The following MAF variants were observed in gnomAD, a reference collection of about 807,000 sequenced individuals.
MAF encodes MAF bZIP transcription factor.
In MAF, 10 loss-of-function variants were observed where a neutral mutation model predicts 22.0. That is an observed-to-expected ratio of 0.45 (90% confidence interval 0.28 to 0.77). The LOEUF (loss-of-function observed/expected upper bound fraction) is 0.77, where lower values mean the gene tolerates loss of function less well. Among genes scored for constraint, MAF ranks in the 30% least tolerant of loss-of-function variants. The pLI is 0.12. For missense variants in MAF, 544 were observed against 548.4 expected (o/e 0.99, Z 0.08); for synonymous variants, 337 against 255.8 (o/e 1.32, Z -3.03).
At chr16:79,292,503 T>C in the MAF span, among the ~76,000 whole-genome samples, 1 of 152,172 alleles carries the variant, frequency 6.6e-6, no homozygotes, top group South Asian at 2.1e-4. Context: ...AACTCAGTTG[T>C]GGTACTTGGT....
At chr16:79,573,953 G>A in the MAF span, among the ~76,000 whole-genome samples, 1 of 152,176 alleles carries the variant, frequency 6.6e-6, no homozygotes, top group East Asian at 1.9e-4. Context: ...CCGTTCGTTT[G>A]CCTGTTTGTG....
the MAF span, among the ~76,000 whole-genome samples, chr16:79,382,966 TTCAC>T: frequency 2.0e-5 from 3 of 152,230 alleles, no homozygotes; most frequent in Non-Finnish European, 2.9e-5. Flanking sequence ...CATTCATTCA[TTCAC>T]TCATTCATCC....
At chr16:79,394,912 T>C in the MAF span, among the ~76,000 whole-genome samples, 1 of 152,186 alleles carries the variant, frequency 6.6e-6, no homozygotes, top group African/African-American at 2.4e-5. Flanking sequence ...TGGTCCCAGC[T>C]GTACTCCACA....
chr16:79,598,970 C>A lies in MAF; in HGVS notation c.933G>T (p.Gln311His), dbSNP rs1242827280. The A allele has an allele frequency of 1.2e-6, 2 of 1,613,860 alleles. No individual in the cohort carries two copies. Among genetic ancestry groups the A allele is most frequent in the East Asian group, 4.5e-5 (2 of 44,820 alleles). The part of the protein sequence containing the change: ...YAQSCRFKRV[Q>H]QRHVLESEKN... ...TCTCCGACTCCAGGACGTGTCTCTGCTGCACCCTCTTGAAGCGGCAGGACT... is the reference window on the plus strand; with the variant it reads ...TCTCCGACTCCAGGACGTGTCTCTGATGCACCCTCTTGAAGCGGCAGGACT... Residue 311 changes from glutamine (Q) to histidine (H), a missense_variant, in exon 1 of 2, where the codon CAG becomes CAT. Around this residue, in one of 5 missense-constraint regions of MAF, gnomAD observed 6 missense variants for 30.4 expected, o/e 0.20. Coordinates refer to ENST00000326043, the MANE Select transcript of MAF (RefSeq NM_005360.5).
chr16:79,490,103 G>A, the MAF span, among the ~76,000 whole-genome samples: 43 of 152,336 alleles, frequency 2.8e-4, no homozygotes, highest in Non-Finnish European at 5.1e-4. Flanking sequence ...CCAGGAGGCA[G>A]TTATATTTCA....
At chr16:79,450,674 T>A in the MAF span, among the ~76,000 whole-genome samples, 1 of 152,140 alleles carries the variant, frequency 6.6e-6, no homozygotes, top group African/African-American at 2.4e-5. Context: ...ACTGTTTTAT[T>A]CCTATTTTAC....
the MAF span, among the ~76,000 whole-genome samples, chr16:79,242,555 A>T: frequency 6.6e-6 from 1 of 151,954 alleles, no homozygotes; most frequent in African/African-American, 2.4e-5. Flanking sequence ...CTCATAAAGC[A>T]AGTTCTTAGA....
chr16:79,373,358 G>A, the MAF span, among the ~76,000 whole-genome samples: 9 of 69,720 alleles, frequency 1.3e-4, no homozygotes, highest in South Asian at 1.7e-3. Flanking sequence ...GGGACTGGTA[G>A]CTTTTTTTTT....
At chr16:79,419,554 TC>T in the MAF span, among the ~76,000 whole-genome samples, 1 of 152,210 alleles carries the variant, frequency 6.6e-6, no homozygotes, top group African/African-American at 2.4e-5. Flanking sequence ...CGGGCAACTC[TC>T]TGGTGTCTAG....
At chr16:79,586,808 G>A (rs1003286396) in intron 1 of MAF, among the ~76,000 whole-genome samples, 3 of 152,204 alleles carry the variant, frequency 2.0e-5, no homozygotes, top group African/African-American at 7.2e-5. Flanking sequence ...AGTTCGGACT[G>A]TCAAAATATA....
At chr16:79,251,289 G>A in the MAF span, among the ~76,000 whole-genome samples, 1 of 148,970 alleles carries the variant, frequency 6.7e-6, no homozygotes, top group Non-Finnish European at 1.5e-5. Context: ...ATGCTGTTAT[G>A]GTTATTATTT....
chr16:79,459,720 G>A, the MAF span, among the ~76,000 whole-genome samples: 11 of 151,926 alleles, frequency 7.2e-5, no homozygotes, highest in East Asian at 9.7e-4. Flanking sequence ...CTACAGGTGC[G>A]CACCACCATG....
At chr16:79,298,237 C>T in the MAF span, among the ~76,000 whole-genome samples, 191 of 152,344 alleles carry the variant, frequency 1.3e-3, no homozygotes, top group African/African-American at 3.9e-3. Flanking sequence ...TGTGGCATCT[C>T]TGGCTAGTAA....
the MAF span, among the ~76,000 whole-genome samples, chr16:79,345,887 ATT>A: frequency 7.4e-5 from 11 of 147,670 alleles, no homozygotes; most frequent in Non-Finnish European, 6.0e-5. Context: ...TTGTTTACTT[ATT>A]TTTTTTTTGC....
chr16:79,249,739 C>G, the MAF span, among the ~76,000 whole-genome samples: 7 of 152,006 alleles, frequency 4.6e-5, no homozygotes, highest in Non-Finnish European at 7.4e-5. Context: ...TGGCTGTTCC[C>G]CGCTCCCTCC....
At chr16:79,226,814 A>T in the MAF span, among the ~76,000 whole-genome samples, 1 of 152,096 alleles carries the variant, frequency 6.6e-6, no homozygotes, top group Admixed American at 6.6e-5. Flanking sequence ...ATGATGACAA[A>T]ATATGCCAGT....
the MAF span, among the ~76,000 whole-genome samples, chr16:79,404,338 A>G: frequency 1.3e-5 from 2 of 151,670 alleles, no homozygotes; most frequent in Admixed American, 1.3e-4. Flanking sequence ...TAATTTTTGT[A>G]TTTTTAGTAG....
intron 1 of MAF, among the ~76,000 whole-genome samples, chr16:79,586,752 A>G (rs1445300533): frequency 6.6e-6 from 1 of 152,220 alleles, no homozygotes; most frequent in Non-Finnish European, 1.5e-5. Flanking sequence ...CAGTTTAATA[A>G]CAAAGCAGAC....
At chr16:79,572,859 T>C in the MAF span, among the ~76,000 whole-genome samples, 2 of 152,168 alleles carry the variant, frequency 1.3e-5, no homozygotes, top group Non-Finnish European at 2.9e-5. Flanking sequence ...ACATGAAATG[T>C]GTATAAAAAG....
Sources: allele counts gnomAD v4.1 joint callset (sites outside exome capture counted in the v4.1 genomes callset), GRCh38; gene constraint gnomAD v4.1.1; regional missense constraint gnomAD v4.1.1; transcripts MANE v1.5; gene names NCBI Gene and HGNC (gene_info 2026-07-23, HGNC 2026-07-21).